Variants in SMARCA2 observed in about 807,000 individuals in gnomAD.
SMARCA2 encodes the protein SWI/SNF-related matrix-associated actin-dependent regulator of chromatin subfamily A member 2.
A neutral mutation model predicts 199.8 loss-of-function variants in SMARCA2; 61 were observed. The observed-to-expected ratio is 0.31, with a 90% confidence interval of 0.25 to 0.38. SMARCA2 has a LOEUF of 0.38. Among genes scored for constraint, SMARCA2 ranks in the 10% least tolerant of loss-of-function variants. The pLI, the probability that SMARCA2 is intolerant of heterozygous loss-of-function variation, is 1.00. For missense variants in SMARCA2, 1,344 were observed against 2,012.2 expected (o/e 0.67, Z 6.35); for synonymous variants, 935 against 732.0 (o/e 1.28, Z -4.48).
rs116079639 is a variant in SMARCA2, at chr9:2,168,306, C to T, written c.4200-2113C>T. Among the ~76,000 whole-genome samples the T allele has an allele frequency of 5.6e-3, 852 of 152,220 alleles. 5 individuals carry two copies. Among genetic ancestry groups the T allele is most frequent in the African/African-American group, 0.02 (819 of 41,534 alleles). On this transcript the variant is annotated intron_variant, in intron 28 of 33. Coordinates refer to ENST00000349721, the MANE Select transcript of SMARCA2 (RefSeq NM_003070.5). ...GATTACAGGCGTGAGCCACCATGCCCGGCAAATGATCTGATATTTTATTAC... is the reference window on the plus strand; with the variant it reads ...GATTACAGGCGTGAGCCACCATGCCTGGCAAATGATCTGATATTTTATTAC...
intron 5 of SMARCA2, among the ~76,000 whole-genome samples, chr9:2,049,898 G>T (rs970171888): frequency 1.3e-5 from 2 of 152,066 alleles, no homozygotes; most frequent in Non-Finnish European, 2.9e-5. Flanking sequence ...TTTATCATCC[G>T]ATCAAAGATT....
chr9:2,090,484 T>A (rs67575902), intron 19 of SMARCA2, among the ~76,000 whole-genome samples: 21,214 of 152,106 alleles, frequency 0.14, 1,776 homozygotes, highest in African/African-American at 0.23. Context: ...TGGGCAAGTC[T>A]TCTAACCTAA....
In SMARCA2 at chr9:2,170,419, G is replaced by C; in HGVS notation, c.4200G>C (p.Arg1400Ser). 1 of 1,614,128 alleles carries C rather than the reference G, an allele frequency of 6.2e-7. No homozygotes were observed. Among genetic ancestry groups the C allele is most frequent in the Middle Eastern group, 1.6e-4 (1 of 6,062 alleles). Residue 1400 changes from arginine to serine, a missense_variant and splice_region_variant, in exon 29 of 34, where the codon AGG becomes AGC. Physicochemically the swap from Arg to Ser is moderately radical, Grantham distance 110 (BLOSUM62 -1). Transcript: ENST00000349721. This position sits in a 1 kb window ranked among gnomAD's most constrained non-coding sequence, Gnocchi z 4.7. ...TAGTGTTCTTTCTACTCTACCGCAG[G>C]TGTAACGTGGAGAAGGTGCCCAGTA... ...IIDTVINYKD[R>S]CNVEKVPSNS...
At chr9:2,175,314 C>A (rs149449935) in intron 29 of SMARCA2, among the ~76,000 whole-genome samples, 13 of 149,764 alleles carry the variant, frequency 8.7e-5, no homozygotes, top group Non-Finnish European at 1.8e-4. Context: ...CCCGCCCCCC[C>A]CCAACAATAC....
intron 27 of SMARCA2, among the ~76,000 whole-genome samples, chr9:2,151,117 T>C (rs1825047843): frequency 6.6e-6 from 1 of 151,538 alleles, no homozygotes; most frequent in Non-Finnish European, 1.5e-5. Flanking sequence ...CAAATCACTA[T>C]GTACATGACA....
Position 2,056,493 on chromosome 9 carries a change from A to G in SMARCA2, c.1174-179A>G, listed in dbSNP as rs555137001. 5.3e-5 allele frequency among the ~76,000 whole-genome samples: 8 copies of G among 152,332 alleles called. No homozygotes were observed. Among genetic ancestry groups the G allele is most frequent in the African/African-American group, 1.9e-4 (8 of 41,576 alleles). On this transcript the variant is annotated intron_variant, in intron 6 of 33. Coordinates refer to ENST00000349721, the MANE Select transcript of SMARCA2 (RefSeq NM_003070.5). The surrounding 1 kb of genome is among the most constrained non-coding windows in gnomAD (Gnocchi z 4.0). The stretch of plus-strand genomic sequence containing the variant: ...GAAAAATCTTGTACCGTTCTTGAAA[A>G]TATTGCATACATTTGGCATGATTTT...
intron 9 of SMARCA2, among the ~76,000 whole-genome samples, chr9:2,062,820 A>G (rs543373446): frequency 3.9e-5 from 6 of 152,290 alleles, no homozygotes; most frequent in African/African-American, 1.2e-4. Flanking sequence ...GAGAGGCTAG[A>G]CTGATATTAA....
At chr9:2,121,238 C>G (rs1362779853) in intron 26 of SMARCA2, among the ~76,000 whole-genome samples, 1 of 152,218 alleles carries the variant, frequency 6.6e-6, no homozygotes, top group African/African-American at 2.4e-5. Flanking sequence ...CAGAAACAAT[C>G]TGAATATCTT....
intron 32 of SMARCA2, among the ~76,000 whole-genome samples, chr9:2,188,019 A>G (rs995024316): frequency 1.3e-5 from 2 of 152,182 alleles, no homozygotes; most frequent in Admixed American, 6.5e-5. Context: ...ATAGAATTAC[A>G]CGTTTTTTTA....
At chr9:2,034,559 C>G (rs543155800) in intron 3 of SMARCA2, among the ~76,000 whole-genome samples, 4 of 152,170 alleles carry the variant, frequency 2.6e-5, no homozygotes, top group African/African-American at 9.7e-5. Context: ...GTAGTTATTC[C>G]AATTCAAGGT....
At chr9:2,024,354 G>A (rs1732550869) in intron 1 of SMARCA2, among the ~76,000 whole-genome samples, 2 of 152,178 alleles carry the variant, frequency 1.3e-5, no homozygotes, top group East Asian at 1.9e-4. Flanking sequence ...TGTCCTGCAG[G>A]ATCTTTCAAT....
intron 6 of SMARCA2, chr9:2,055,815 G>A (rs1820327836): frequency 6.6e-6 from 1 of 152,088 alleles, no homozygotes; most frequent in Admixed American, 6.6e-5. Flanking sequence ...ATAAAGTGCT[G>A]GATAAAATCT....
intron 27 of SMARCA2, among the ~76,000 whole-genome samples, chr9:2,150,476 G>A (rs1825005882): frequency 6.6e-6 from 1 of 151,584 alleles, no homozygotes; most frequent in Non-Finnish European, 1.5e-5. Context: ...TACAGAAGAT[G>A]GCAGCGCAGG....
intron 1 of SMARCA2, among the ~76,000 whole-genome samples, chr9:2,027,303 C>A (rs1409950064): frequency 3.3e-5 from 5 of 151,810 alleles, no homozygotes; most frequent in Admixed American, 6.6e-5. Context: ...ATTAGCTTGG[C>A]ACGGTGGCGC....
chr9:2,058,542 A>G, intron 8 of SMARCA2, 78 bp downstream of exon 8: 1 of 1,220,758 alleles, frequency 8.2e-7, no homozygotes, highest in East Asian at 2.4e-5. Flanking sequence ...ATATGGTGGT[A>G]GTAGAAGGAA....
intron 27 of SMARCA2, among the ~76,000 whole-genome samples, chr9:2,149,315 C>G (rs1050411027): frequency 7.2e-5 from 10 of 139,688 alleles, no homozygotes; most frequent in Admixed American, 1.4e-4. Flanking sequence ...GTCAGGAGTT[C>G]AAGACCAGCC....
At chr9:2,153,834 G>C (rs746489451) in intron 27 of SMARCA2, among the ~76,000 whole-genome samples, 1 of 152,148 alleles carries the variant, frequency 6.6e-6, no homozygotes, top group Non-Finnish European at 1.5e-5. Context: ...GTGTGAGAGA[G>C]AGAGATCTTT....
intron 32 of SMARCA2, among the ~76,000 whole-genome samples, chr9:2,188,964 C>T (rs1357766388): frequency 6.6e-6 from 1 of 152,190 alleles, no homozygotes; most frequent in African/African-American, 2.4e-5. Flanking sequence ...TTAAAGCCAG[C>T]AATGACAGGT....
In SMARCA2 at chr9:2,097,311, G is replaced by A. The variant is rs114284277; in HGVS notation, c.2992-74G>A. The A allele has an allele frequency of 7.9e-3, 7,412 of 936,380 alleles. 264 individuals are homozygous for A. In the African/African-American group the frequency reaches 0.086, roughly 11 times the overall value. The allele number at this position is 936,380 out of a possible 1,614,324, so 58.0% of individuals were successfully genotyped here. On this transcript the variant is annotated intron_variant, in intron 20 of 33. Coordinates refer to ENST00000349721, the MANE Select transcript of SMARCA2 (RefSeq NM_003070.5). ...TGGTCCTTTGTCCTTTGTATAAGAAGCCCAGTGTGAAGGATCTGAAATGTC... is the reference window on the plus strand; with the variant it reads ...TGGTCCTTTGTCCTTTGTATAAGAAACCCAGTGTGAAGGATCTGAAATGTC...
Sources: gnomAD v4.1 joint callset for allele counts (sites outside exome capture counted in the v4.1 genomes callset) on GRCh38, gnomAD v4.1.1 for gene constraint, Gnocchi (gnomAD v3.1) non-coding constraint, MANE v1.5 for transcripts, NCBI Gene and HGNC (gene_info 2026-07-23, HGNC 2026-07-21) for gene names.